PCDHGB3: variants seen among roughly 807,000 people sequenced by gnomAD.
PCDHGB3 encodes the protein protocadherin gamma-B3.
In PCDHGB3, 40 loss-of-function variants were observed where a neutral mutation model predicts 59.2. The observed-to-expected ratio is 0.68, with a 90% confidence interval of 0.52 to 0.88. The LOEUF (loss-of-function observed/expected upper bound fraction) is 0.88. PCDHGB3 is among the 40% of genes least tolerant of loss of function. PCDHGB3 has a pLI of 0.00. For missense variants in PCDHGB3, 1,309 were observed against 1,187.9 expected (o/e 1.10, Z -1.50); for synonymous variants, 581 against 503.6 (o/e 1.15, Z -2.06).
chr5:141,491,544 C>G lies in PCDHGB3; in HGVS notation c.2416-3263C>G, dbSNP rs546391464. The G allele has an allele frequency of 1.1e-5, 17 of 1,614,018 alleles. No individual in the cohort carries two copies. In the Admixed American group the frequency reaches 1.8e-4, roughly 17 times the overall value. Reference sequence around the variant, plus strand: ...TGGAGGTGACGCTGCGGCCCACAGACTCGCAGAGCCACTGCTACAGGACGT... The same window carrying G: ...TGGAGGTGACGCTGCGGCCCACAGAGTCGCAGAGCCACTGCTACAGGACGT... On this transcript the variant is annotated intron_variant, in intron 1 of 3. Transcript: ENST00000576222. The surrounding 1 kb of genome is among the most constrained non-coding windows in gnomAD (Gnocchi z 6.9).
intron 1 of PCDHGB3, chr5:141,421,983 T>G: frequency 6.2e-7 from 1 of 1,609,228 alleles, no homozygotes; most frequent in Non-Finnish European, 8.5e-7. Context: ...GCGTGAGTGT[T>G]CCAGAAAACA....
rs911594122 is a variant in PCDHGB3, at chr5:141,383,374, G to C, written c.2415+10565G>C. On this transcript the variant is annotated intron_variant, in intron 1 of 3. Transcript: ENST00000576222. ...TCGGTTTCCGTTAAGCGAGGCTGGGGATCCAGATGTGGGCACGAACTCCCT... is the reference window on the plus strand; with the variant it reads ...TCGGTTTCCGTTAAGCGAGGCTGGGCATCCAGATGTGGGCACGAACTCCCT... 1.2e-6 allele frequency: 2 copies of C among 1,613,910 alleles called. No homozygotes were observed. The highest frequency in any genetic ancestry group is 2.7e-5 in the African/African-American group (2 of 74,936).
At position 141,403,568 on chromosome 5, in the gene PCDHGB3, ACTGCCCACCAC is replaced by A. The variant is rs758329896; in HGVS notation, c.2415+30763_2415+30773del. On this transcript the variant is annotated intron_variant, in intron 1 of 3. Coordinates refer to ENST00000576222, the MANE Select transcript of PCDHGB3 (RefSeq NM_018924.5). The stretch of plus-strand genomic sequence containing the variant: ...GCGCGCCCTGGACAGGGAGGAGGCA[ACTGCCCACCAC>A]CTGGTCCTCACGGCCTCGGATGGCG... The A allele has an allele frequency of 2.5e-6, 4 of 1,613,918 alleles. No individual in the cohort carries two copies. In the South Asian group the frequency reaches 4.4e-5, roughly 18 times the overall value.
Position 141,485,392 on chromosome 5 carries a change from A to G in PCDHGB3, c.2416-9415A>G. ...AGGTCGCTGGAGAGGTGAACCAAAG[A>G]CACTTCCGTGTGGATTTGGACAGCG... On this transcript the variant is annotated intron_variant, in intron 1 of 3. Coordinates refer to ENST00000576222, the MANE Select transcript of PCDHGB3 (RefSeq NM_018924.5). This position sits in a 1 kb window ranked among gnomAD's most constrained non-coding sequence, Gnocchi z 5.7. 1 of 1,613,918 alleles carries G rather than the reference A, an allele frequency of 6.2e-7. No homozygotes were observed. The highest frequency in any genetic ancestry group is 8.5e-7 in the Non-Finnish European group (1 of 1,179,938).
At position 141,489,481 on chromosome 5, in the gene PCDHGB3, A is replaced by C; in HGVS notation, c.2416-5326A>C. 6.2e-7 allele frequency: 1 copy of C among 1,614,040 alleles called. No homozygotes were observed. The highest frequency in any genetic ancestry group is 8.5e-7 in the Non-Finnish European group (1 of 1,180,004). ...GCGCTATTTTTCCCTGAGCTTGATG[A>C]GTGGTGCCCTGGCAGTGAATCAAAA... is the stretch of plus-strand genomic sequence containing the variant. On this transcript the variant is annotated intron_variant, in intron 1 of 3. Transcript: ENST00000576222. The surrounding 1 kb of genome is among the most constrained non-coding windows in gnomAD (Gnocchi z 4.5).
rs974732178 is a variant in PCDHGB3 at position 141,374,708 on chromosome 5, C to A, written c.2415+1899C>A. On this transcript the variant is annotated intron_variant, in intron 1 of 3. Coordinates refer to ENST00000576222, the MANE Select transcript of PCDHGB3 (RefSeq NM_018924.5). ...GGACCGGGAAGGAGAAGCCGTTTACCGCCTGGTCCTTACTGCCATGGATGG... is the reference window on the plus strand; with the variant it reads ...GGACCGGGAAGGAGAAGCCGTTTACAGCCTGGTCCTTACTGCCATGGATGG... 1.8e-5 allele frequency: 29 copies of A among 1,609,028 alleles called. No individual in the cohort carries two copies. In the Admixed American group the frequency reaches 3.1e-4, roughly 17 times the overall value.
intron 1 of PCDHGB3, chr5:141,388,506 T>C: frequency 6.2e-7 from 1 of 1,613,870 alleles, no homozygotes; most frequent in Non-Finnish European, 8.5e-7. Flanking sequence ...GCAGAAATCC[T>C]ACCACTTGAC....
intron 1 of PCDHGB3, chr5:141,410,849 CTT>C (rs759346998): frequency 0.032 from 4,298 of 136,266 alleles, no homozygotes; most frequent in South Asian, 0.069. Flanking sequence ...TTGTCTTTGT[CTT>C]TTTTTTTTTT....
rs573088236 is a variant in PCDHGB3, at chr5:141,489,279, G to A, written c.2416-5528G>A. On this transcript the variant is annotated intron_variant, in intron 1 of 3. Coordinates refer to ENST00000576222, the MANE Select transcript of PCDHGB3 (RefSeq NM_018924.5). This position sits in a 1 kb window ranked among gnomAD's most constrained non-coding sequence, Gnocchi z 4.5. Reference sequence around the variant, plus strand: ...CACTCCCACAGCTCGCTGGGAAATGGCAAGTGCTGTGCATGTTGTCCTTGT... The same window carrying A: ...CACTCCCACAGCTCGCTGGGAAATGACAAGTGCTGTGCATGTTGTCCTTGT... The A allele has an allele frequency of 6.4e-7, 1 of 1,562,030 alleles. No individual in the cohort carries two copies. Among genetic ancestry groups the A allele is most frequent in the East Asian group, 2.2e-5 (1 of 44,522 alleles).
intron 1 of PCDHGB3, chr5:141,478,712 G>A (rs1160573848): frequency 3.2e-6 from 5 of 1,547,048 alleles, no homozygotes; most frequent in Non-Finnish European, 4.4e-6. Flanking sequence ...TTTGTGAGAT[G>A]GTGGCCTGCC....
chr5:141,403,196 G>C lies in PCDHGB3; in HGVS notation c.2415+30387G>C, dbSNP rs762413220. 13 of 1,613,868 alleles carry C rather than the reference G, an allele frequency of 8.1e-6. No individual in the cohort carries two copies. The highest frequency in any genetic ancestry group is 1.6e-4 in the Middle Eastern group (1 of 6,078). On this transcript the variant is annotated intron_variant, in intron 1 of 3. Transcript: ENST00000576222. ...GCTTTTCTCTCTGAACCCGCGCAGC[G>C]GCACCTTGGTCACCGCGGGTAGGAT...
intron 1 of PCDHGB3, chr5:141,385,474 T>C (rs554098554): frequency 2.1e-6 from 3 of 1,436,644 alleles, no homozygotes; most frequent in African/African-American, 1.4e-5. Flanking sequence ...GGTGACACTT[T>C]AATATAGAAC....
intron 2 of PCDHGB3, among the ~76,000 whole-genome samples, chr5:141,496,474 T>A (rs2099769027): frequency 6.6e-6 from 1 of 152,140 alleles, no homozygotes; most frequent in African/African-American, 2.4e-5. Context: ...CTTTCCCCCA[T>A]CCTGCAACCA....
At chr5:141,394,568 C>T (rs373695437) in intron 1 of PCDHGB3, 2 of 1,614,072 alleles carry the variant, frequency 1.2e-6, no homozygotes, top group African/African-American at 2.7e-5. Context: ...CAGAGCGTGG[C>T]TACCTGGTGA....
In PCDHGB3 at chr5:141,476,351, G is replaced by A; in HGVS notation, c.2416-18456G>A. The A allele has an allele frequency of 1.2e-6, 2 of 1,614,182 alleles. No individual in the cohort carries two copies. The highest frequency in any genetic ancestry group is 1.7e-6 in the Non-Finnish European group (2 of 1,180,046). ...TGGAGCTAGCCGAAGATTCTTTGAG[G>A]TGAACCGGGAGACCGGAGAGATGTT... On this transcript the variant is annotated intron_variant, in intron 1 of 3. Coordinates refer to ENST00000576222, the MANE Select transcript of PCDHGB3 (RefSeq NM_018924.5). This position sits in a 1 kb window ranked among gnomAD's most constrained non-coding sequence, Gnocchi z 7.6.
At chr5:141,437,032 C>T (rs2097859215) in intron 1 of PCDHGB3, among the ~76,000 whole-genome samples, 1 of 152,182 alleles carries the variant, frequency 6.6e-6, no homozygotes, top group Admixed American at 6.5e-5. Context: ...GAAAATGGAT[C>T]ACCGAAACCA....
chr5:141,478,819 C>T, intron 1 of PCDHGB3: 8 of 1,447,842 alleles, frequency 5.5e-6, no homozygotes, highest in South Asian at 3.0e-5. Flanking sequence ...CACAACTAAC[C>T]AATCTTGCTA....
chr5:141,384,412 G>T lies in PCDHGB3; in HGVS notation c.2415+11603G>T, dbSNP rs776239248. The T allele has an allele frequency of 9.9e-6, 16 of 1,613,894 alleles. 1 individual carries two copies. The Middle Eastern group carries it at 2.3e-3, about 233-fold the overall frequency. ...CCAGGGGGCTCCAGTGTCCTCCTAT[G>T]TCTCCATAAACTCTGACACTGGAGT... On this transcript the variant is annotated intron_variant, in intron 1 of 3. Transcript: ENST00000576222.
At position 141,428,400 on chromosome 5, in the gene PCDHGB3, G is replaced by T. The variant is rs373595231; in HGVS notation, c.2415+55591G>T. 3 of 483,290 alleles carry T rather than the reference G, an allele frequency of 6.2e-6. No individual in the cohort carries two copies. The East Asian group carries it at 1.2e-4, about 20-fold the overall frequency. 29.9% of individuals were successfully genotyped at this position (483,290 alleles called of 1,614,324 possible). ...GATGCTCTTCCAGCCCCTCTGCCTGGGGTTGCTTTCACCCTGGTCTCTGTT... is the reference window on the plus strand; with the variant it reads ...GATGCTCTTCCAGCCCCTCTGCCTGTGGTTGCTTTCACCCTGGTCTCTGTT... On this transcript the variant is annotated intron_variant, in intron 1 of 3. Coordinates refer to ENST00000576222, the MANE Select transcript of PCDHGB3 (RefSeq NM_018924.5).
Sources: gnomAD v4.1 joint callset for allele counts (sites outside exome capture counted in the v4.1 genomes callset) on GRCh38, gnomAD v4.1.1 for gene constraint, Gnocchi (gnomAD v3.1) non-coding constraint, MANE v1.5 for transcripts, NCBI Gene and HGNC (gene_info 2026-07-23, HGNC 2026-07-21) for gene names.